AAK1: variants seen among roughly 807,000 people sequenced by gnomAD.
The protein encoded by AAK1 is AP2-associated protein kinase 1.
Under a neutral mutation model 116.0 loss-of-function variants are expected in AAK1, and 37 were observed. The observed-to-expected ratio is 0.32, with a 90% CI of 0.25 to 0.42. AAK1 has a LOEUF of 0.42. Ranked by LOEUF, AAK1 falls within the 10% of genes least tolerant of loss-of-function variation. The pLI, the probability that AAK1 is intolerant of heterozygous loss-of-function variation, is 1.00. For missense variants in AAK1, 919 were observed against 1,170.6 expected, an observed-to-expected ratio of 0.79 and a Z score of 3.14; for synonymous variants, 458 against 439.9, an observed-to-expected ratio of 1.04 and a Z score of -0.51.
intron 5 of AAK1, among the ~76,000 whole-genome samples, chr2:69,540,462 C>T (rs138312940): frequency 9.5e-4 from 145 of 152,234 alleles, no homozygotes; most frequent in South Asian, 7.9e-3. Flanking sequence ...GCTGACTGTG[C>T]GCAGAGGTAC....
chr2:69,626,663 CTTT>C (rs1205180498), intron 2 of AAK1, among the ~76,000 whole-genome samples: 8 of 125,544 alleles, frequency 6.4e-5, no homozygotes, highest in Non-Finnish European at 1.3e-4. Context: ...CCATGCCTGG[CTTT>C]TTTTTTTTTT....
intron 12 of AAK1, among the ~76,000 whole-genome samples, chr2:69,515,069 T>C (rs1676529710): frequency 6.6e-6 from 1 of 152,110 alleles, no homozygotes; most frequent in South Asian, 2.1e-4. Flanking sequence ...TAAGCTAGAG[T>C]ATAGCAGGAG....
In AAK1 at chr2:69,465,394, A is replaced by G; in HGVS notation, c.*10475T>C. ...ATGGCGGGTATTGAGGGTGGGATAGAGACAAGAGGCTTGAGGCTCAGGTTT... is the reference window on the plus strand; with the variant it reads ...ATGGCGGGTATTGAGGGTGGGATAGGGACAAGAGGCTTGAGGCTCAGGTTT... On this transcript the variant is annotated 3_prime_UTR_variant, in exon 22 of 22. Coordinates refer to ENST00000409085, the MANE Select transcript of AAK1 (RefSeq NM_014911.5). 8.0e-7 allele frequency: 1 copy of G among 1,254,816 alleles called. No individual in the cohort carries two copies. The highest frequency in any genetic ancestry group is 1.5e-5 in the African/African-American group (1 of 64,856). The allele number at this position is 1,254,816 out of a possible 1,614,324, so 77.7% of individuals were successfully genotyped here.
At chr2:69,621,401 A>G (rs967940762) in intron 2 of AAK1, among the ~76,000 whole-genome samples, 1 of 152,298 alleles carries the variant, frequency 6.6e-6, no homozygotes, top group Middle Eastern at 3.4e-3. Flanking sequence ...ATCGCTTGAA[A>G]AAAGGCGACA....
rs997718961 is a variant in AAK1 at position 69,475,787 on chromosome 2, A to C, written c.*82T>G. 1 of 1,504,054 alleles carries C rather than the reference A, an allele frequency of 6.6e-7. No homozygotes were observed. The highest frequency in any genetic ancestry group is 9.0e-7 in the Non-Finnish European group (1 of 1,115,984). 93.2% of individuals were successfully genotyped at this position (1,504,054 alleles called of 1,614,324 possible). A position where few individuals can be genotyped will look rare whatever the true frequency, so the allele number is the denominator to read the frequency against. Reference sequence around the variant, plus strand: ...CCTTATTTGCAGATTTTTTTAAAAAAATCATTTTTTTCATAACTCCGTAAT... The same window carrying C: ...CCTTATTTGCAGATTTTTTTAAAAACATCATTTTTTTCATAACTCCGTAAT... On this transcript the variant is annotated 3_prime_UTR_variant, in exon 22 of 22. Coordinates refer to ENST00000409085, the MANE Select transcript of AAK1 (RefSeq NM_014911.5).
At chr2:69,545,077 C>A (rs1238079264) in intron 3 of AAK1, among the ~76,000 whole-genome samples, 2 of 151,874 alleles carry the variant, frequency 1.3e-5, no homozygotes, top group Non-Finnish European at 2.9e-5. Flanking sequence ...ACAATAGCAT[C>A]CAGACCTAAG....
chr2:69,458,212 T>C lies in AAK1; in HGVS notation c.*17657A>G, dbSNP rs1208454349. 6.6e-6 allele frequency: 1 copy of C among 152,192 alleles called. No homozygotes were observed. The highest frequency in any genetic ancestry group is 1.5e-5 in the Non-Finnish European group (1 of 68,040). The allele number at this position is 152,192 out of a possible 1,614,324, so 9.4% of individuals were successfully genotyped here. A position where few individuals can be genotyped will look rare whatever the true frequency, so the allele number is the denominator to read the frequency against. On this transcript the variant is annotated 3_prime_UTR_variant, in exon 22 of 22. Transcript: ENST00000409085. The stretch of plus-strand genomic sequence containing the variant: ...TCACAGCCCGAGATTATGTGTACAT[T>C]GTTTTCTGAGGCCTGATGACCTCAA...
chr2:69,615,688 G>A (rs17036820), intron 2 of AAK1, among the ~76,000 whole-genome samples: 13,114 of 152,242 alleles, frequency 0.086, 1,595 homozygotes, highest in African/African-American at 0.27. Flanking sequence ...CAATCCTACT[G>A]CACTGGCTTC....
At chr2:69,495,555 T>C (rs1205556758) in intron 17 of AAK1, among the ~76,000 whole-genome samples, 1 of 152,168 alleles carries the variant, frequency 6.6e-6, no homozygotes, top group Non-Finnish European at 1.5e-5. Context: ...AAAGGCATTA[T>C]AGAAAAGAAC....
intron 16 of AAK1, among the ~76,000 whole-genome samples, chr2:69,500,733 A>ACACACACACAC (rs1558913778): frequency 7.0e-6 from 1 of 142,792 alleles, no homozygotes; most frequent in African/African-American, 2.6e-5. Flanking sequence ...ACACACACAC[A>ACACACACACAC]ACCATTTGCA....
At position 69,544,518 on chromosome 2, in the gene AAK1, A is replaced by G. The variant is rs55949789; in HGVS notation, c.309T>C (p.Ile103=). The G allele has an allele frequency of 1.5e-4, 241 of 1,613,624 alleles. No homozygotes were observed. Among genetic ancestry groups the G allele is most frequent in the Non-Finnish European group, 1.9e-4 (223 of 1,179,694 alleles). The change falls in exon 4 of 22, where the codon ATT becomes ATC. Residue 103 remains isoleucine (I), a synonymous_variant. Transcript: ENST00000409085. ...TGATACTAGAATCAATGTAACCCAC[A>G]ATATTCTTGTGCCCTGAAAGATCCC... is the stretch of plus-strand genomic sequence containing the variant. ...IMRDLSGHKN[I]VGYIDSSINN... is the part of the protein sequence containing the mutation.
At chr2:69,550,709 C>T (rs1310090072) in intron 3 of AAK1, among the ~76,000 whole-genome samples, 2 of 151,878 alleles carry the variant, frequency 1.3e-5, no homozygotes, top group African/African-American at 2.4e-5. Context: ...CGCACCTCCC[C>T]GGCTCAAGTG....
rs954519688 is a variant in AAK1, at chr2:69,542,684, G to A, written c.392-19C>T. On this transcript the variant is annotated intron_variant, in intron 4 of 21. Transcript: ENST00000409085. ...TGGCCACCTGAGGGGGTACGTACAG[G>A]GCAAAGGAGACGTTATAAACATTCG... The A allele has an allele frequency of 1.2e-6, 2 of 1,611,190 alleles. No individual in the cohort carries two copies. Among genetic ancestry groups the A allele is most frequent in the African/African-American group, 2.7e-5 (2 of 74,696 alleles).
Position 69,480,879 on chromosome 2 carries a change from A to T in AAK1, c.2550T>A (p.Ser850=). Residue 850 remains serine, a synonymous_variant, in exon 19 of 22, where the codon TCT becomes TCA. Coordinates refer to ENST00000409085, the MANE Select transcript of AAK1 (RefSeq NM_014911.5). ...VPQRLPSQTE[S]VTSNRTDSLT... is the part of the protein sequence containing the mutation. The stretch of plus-strand genomic sequence containing the variant: ...ACTGACCTGTGCGATTCGAGGTCAC[A>T]GATTCCGTCTGAGATGGGAGGCGCT... 1.2e-6 allele frequency: 2 copies of T among 1,602,544 alleles called. No individual in the cohort carries two copies. Among genetic ancestry groups the T allele is most frequent in the Non-Finnish European group, 8.5e-7 (1 of 1,175,096 alleles).
chr2:69,622,933 C>T (rs934125387), intron 2 of AAK1, among the ~76,000 whole-genome samples: 10 of 152,052 alleles, frequency 6.6e-5, no homozygotes, highest in Admixed American at 6.5e-4. Flanking sequence ...ACAGACCAAT[C>T]GGCTCTCTGT....
chr2:69,549,713 C>G (rs1671095482), intron 3 of AAK1, among the ~76,000 whole-genome samples: 1 of 152,174 alleles, frequency 6.6e-6, no homozygotes, highest in African/African-American at 2.4e-5. Context: ...CACTTAAATA[C>G]CTAAGTCTTT....
chr2:69,516,873 T>C (rs1027415271), intron 12 of AAK1: 2 of 151,952 alleles, frequency 1.3e-5, no homozygotes, highest in Admixed American at 6.6e-5. Flanking sequence ...TGCACTAAGG[T>C]CAGCATCAGT....
intron 17 of AAK1, among the ~76,000 whole-genome samples, chr2:69,491,820 C>G (rs1675533588): frequency 6.6e-6 from 1 of 152,168 alleles, no homozygotes; most frequent in South Asian, 2.1e-4. Flanking sequence ...TAAGAACACA[C>G]AATTTAAGTG....
At chr2:69,540,111 C>G (rs980262660) in intron 5 of AAK1, among the ~76,000 whole-genome samples, 2 of 149,952 alleles carry the variant, frequency 1.3e-5, no homozygotes, top group Admixed American at 6.6e-5. Context: ...GCATTCCCTG[C>G]CCCACTTGCC....
Sources: allele counts gnomAD v4.1 joint callset (sites outside exome capture counted in the v4.1 genomes callset), GRCh38; gene constraint gnomAD v4.1.1; transcripts MANE v1.5; gene names NCBI Gene and HGNC (gene_info 2026-07-23, HGNC 2026-07-21).